KDM4C: variants seen among roughly 807,000 people sequenced by gnomAD.
KDM4C encodes the protein lysine-specific demethylase 4C.
KDM4C carries 81 observed loss-of-function variants against 129.3 expected under a neutral mutation model. The observed-to-expected ratio is 0.63, with a 90% confidence interval of 0.52 to 0.75. The LOEUF is 0.75. Ranked by LOEUF, KDM4C falls within the 30% of genes least tolerant of loss-of-function variation. KDM4C has a pLI of 0.00. For synonymous variants in KDM4C, 573 were observed against 456.1 expected (o/e 1.26, Z -3.26); for missense variants, 1,457 against 1,304.0 (o/e 1.12, Z -1.81).
At chr9:6,796,029 G>A (rs113641450) in intron 2 of KDM4C, among the ~76,000 whole-genome samples, 256 of 152,224 alleles carry the variant, frequency 1.7e-3, no homozygotes, top group African/African-American at 6.0e-3. Context: ...ATTAATTAGG[G>A]GTGGGTGAGA....
At chr9:6,804,392 T>C (rs1829579885) in intron 2 of KDM4C, among the ~76,000 whole-genome samples, 2 of 152,190 alleles carry the variant, frequency 1.3e-5, no homozygotes, top group Non-Finnish European at 2.9e-5. Flanking sequence ...CCTCCACCTT[T>C]CTGGAAAGCT....
At chr9:6,740,045 A>C (rs1415417674) in intron 1 of KDM4C, among the ~76,000 whole-genome samples, 2 of 141,894 alleles carry the variant, frequency 1.4e-5, no homozygotes, top group African/African-American at 2.6e-5. Context: ...GCGCGCCACC[A>C]CACTCAGCTA....
At chr9:7,075,346 C>G (rs1004182838) in intron 17 of KDM4C, among the ~76,000 whole-genome samples, 1 of 152,152 alleles carries the variant, frequency 6.6e-6, no homozygotes, top group African/African-American at 2.4e-5. Flanking sequence ...TGCCAAAATT[C>G]ATGTTGAAAC....
intron 8 of KDM4C, among the ~76,000 whole-genome samples, chr9:6,918,933 C>A (rs909896340): frequency 6.6e-6 from 1 of 152,024 alleles, no homozygotes; most frequent in Non-Finnish European, 1.5e-5. Flanking sequence ...CTCACTGCAA[C>A]CTCTGCTGCC....
intron 21 of KDM4C, among the ~76,000 whole-genome samples, chr9:7,174,064 A>G (rs1845216586): frequency 6.6e-6 from 1 of 152,210 alleles, no homozygotes; most frequent in African/African-American, 2.4e-5. Flanking sequence ...AATGACAGAG[A>G]AGAGAGCTTT....
At chr9:7,102,974 T>G (rs1397117864) in intron 17 of KDM4C, among the ~76,000 whole-genome samples, 2 of 152,234 alleles carry the variant, frequency 1.3e-5, no homozygotes, top group African/African-American at 4.8e-5. Flanking sequence ...TGCAATTTAC[T>G]TTTCGAATTG....
chr9:6,859,244 G>A (rs186283782), intron 5 of KDM4C, among the ~76,000 whole-genome samples: 160 of 151,578 alleles, frequency 1.1e-3, no homozygotes, highest in Middle Eastern at 6.8e-3. Context: ...TTGGGAGGCC[G>A]AGGCAGGCAG....
intron 21 of KDM4C, among the ~76,000 whole-genome samples, chr9:7,173,868 G>A (rs1845196790): frequency 6.6e-6 from 1 of 152,220 alleles, no homozygotes; most frequent in African/African-American, 2.4e-5. Flanking sequence ...GAGCAGATGT[G>A]AGCATCTCCT....
At chr9:7,053,526 T>A (rs1294283260) in intron 17 of KDM4C, among the ~76,000 whole-genome samples, 1 of 152,228 alleles carries the variant, frequency 6.6e-6, no homozygotes, top group East Asian at 1.9e-4. Flanking sequence ...TGCTTGGTAA[T>A]GTCACAGGTG....
intron 1 of KDM4C, among the ~76,000 whole-genome samples, chr9:6,728,101 T>G (rs534622570): frequency 6.8e-6 from 1 of 146,214 alleles, no homozygotes; most frequent in Non-Finnish European, 1.5e-5. Flanking sequence ...AAAAGTGTTA[T>G]ACACTTGTAA....
chr9:6,834,243 C>T (rs971029473), intron 4 of KDM4C, among the ~76,000 whole-genome samples: 1 of 151,934 alleles, frequency 6.6e-6, no homozygotes, highest in East Asian at 1.9e-4. Flanking sequence ...GCCATGTTGC[C>T]CAGGCTGATT....
intron 19 of KDM4C, among the ~76,000 whole-genome samples, chr9:7,131,124 T>G (rs977875980): frequency 6.6e-6 from 1 of 152,024 alleles, no homozygotes; most frequent in African/African-American, 2.4e-5. Flanking sequence ...TTTGTGCAGG[T>G]CTTCTCTATT....
chr9:6,752,440 C>T (rs1350465494), intron 1 of KDM4C, among the ~76,000 whole-genome samples: 2 of 127,416 alleles, frequency 1.6e-5, no homozygotes, highest in African/African-American at 5.8e-5. Flanking sequence ...GGTGGAGTTT[C>T]GCTCTTGTTG....
At chr9:6,785,293 C>T (rs1360280596) in intron 1 of KDM4C, among the ~76,000 whole-genome samples, 2 of 151,442 alleles carry the variant, frequency 1.3e-5, no homozygotes, top group Admixed American at 6.6e-5. Flanking sequence ...TCCCTGCCTC[C>T]ATCTTCACAT....
intron 5 of KDM4C, among the ~76,000 whole-genome samples, chr9:6,858,806 G>GT (rs1344519332): frequency 6.6e-6 from 1 of 150,656 alleles, no homozygotes; most frequent in Admixed American, 6.6e-5. Context: ...TATGTTAGTA[G>GT]TTAACAAGTT....
At chr9:7,147,226 A>C (rs1393650729) in intron 19 of KDM4C, among the ~76,000 whole-genome samples, 3 of 152,202 alleles carry the variant, frequency 2.0e-5, no homozygotes, top group East Asian at 3.9e-4. Context: ...GCCTGACCCC[A>C]GATCTTGGAA....
chr9:7,079,351 T>A (rs964608297), intron 17 of KDM4C, among the ~76,000 whole-genome samples: 1 of 152,148 alleles, frequency 6.6e-6, no homozygotes, highest in Non-Finnish European at 1.5e-5. Flanking sequence ...TGAGATGGAG[T>A]CTCGCTGTGT....
intron 17 of KDM4C, among the ~76,000 whole-genome samples, chr9:7,102,523 C>T (rs570627739): frequency 3.3e-5 from 5 of 151,816 alleles, no homozygotes; most frequent in South Asian, 4.2e-4. Flanking sequence ...ACACCGTGGG[C>T]GGAGGCAGTG....
At chr9:7,047,472 C>T (rs190113614) in intron 16 of KDM4C, among the ~76,000 whole-genome samples, 277 of 151,904 alleles carry the variant, frequency 1.8e-3, no homozygotes, top group African/African-American at 6.4e-3. Context: ...CATAAGTGAA[C>T]ATAAAAGGAA....
Sources: allele counts gnomAD v4.1 joint callset (sites outside exome capture counted in the v4.1 genomes callset), GRCh38; gene constraint gnomAD v4.1.1; transcripts MANE v1.5; gene names NCBI Gene and HGNC (gene_info 2026-07-23, HGNC 2026-07-21).